The following EYA4 variants were observed in gnomAD, a reference collection of about 807,000 sequenced individuals.
EYA4 encodes protein phosphatase EYA4.
A neutral mutation model predicts 87.9 loss-of-function variants in EYA4; 31 were observed. The ratio of observed to expected loss-of-function variants is 0.35; its 90% confidence interval spans 0.27 to 0.48. The LOEUF is 0.48. Among genes scored for constraint, EYA4 ranks in the 20% least tolerant of loss-of-function variants. The probability of loss-of-function intolerance (pLI) is 0.99; values close to 1 mark genes in which losing one functional copy is unlikely to be tolerated. For missense variants in EYA4, 678 were observed against 761.4 expected (o/e 0.89, Z 1.29); for synonymous variants, 263 against 270.6 (o/e 0.97, Z 0.28).
intron 2 of EYA4, among the ~76,000 whole-genome samples, chr6:133,336,139 G>A (rs1302854652): frequency 6.6e-6 from 1 of 152,112 alleles, no homozygotes; most frequent in Admixed American, 6.6e-5. Context: ...TTCCCAATAG[G>A]ATAACTGATC....
intron 13 of EYA4, among the ~76,000 whole-genome samples, chr6:133,496,236 A>C (rs1797637600): frequency 6.6e-6 from 1 of 152,202 alleles, no homozygotes; most frequent in Non-Finnish European, 1.5e-5. Context: ...TCTAAGCTTG[A>C]AATTATTATG....
intron 3 of EYA4, among the ~76,000 whole-genome samples, chr6:133,436,509 T>A (rs1435878124): frequency 1.3e-5 from 2 of 152,204 alleles, no homozygotes; most frequent in Non-Finnish European, 2.9e-5. Flanking sequence ...GGGAAAAAAA[T>A]TCATGAACAA....
At chr6:133,465,230 T>C (rs1432859504) in intron 10 of EYA4, among the ~76,000 whole-genome samples, 1 of 152,166 alleles carries the variant, frequency 6.6e-6, no homozygotes, top group Non-Finnish European at 1.5e-5. Flanking sequence ...TCAATATTAA[T>C]TGATTAAAAT....
At chr6:133,473,888 C>A (rs1583385210) in intron 11 of EYA4, among the ~76,000 whole-genome samples, 2 of 151,954 alleles carry the variant, frequency 1.3e-5, no homozygotes, top group East Asian at 1.9e-4. Flanking sequence ...TACTCATTAG[C>A]CCCAGCCCAA....
At chr6:133,394,301 T>TTTTG (rs1787595062) in intron 3 of EYA4, among the ~76,000 whole-genome samples, 1 of 144,648 alleles carries the variant, frequency 6.9e-6, no homozygotes, top group African/African-American at 2.6e-5. Context: ...TTTTTTTTTT[T>TTTTG]TTTTTTTTTT....
chr6:133,490,691 C>T (rs1310363006), intron 13 of EYA4, among the ~76,000 whole-genome samples: 1 of 152,070 alleles, frequency 6.6e-6, no homozygotes, highest in East Asian at 1.9e-4. Context: ...AATACTGGAG[C>T]ACCCAGATAT....
intron 2 of EYA4, among the ~76,000 whole-genome samples, chr6:133,345,789 C>G (rs1398937333): frequency 6.6e-6 from 1 of 152,194 alleles, no homozygotes; most frequent in Admixed American, 6.5e-5. Flanking sequence ...TCATTAGATT[C>G]TCCCTTAATT....
intron 2 of EYA4, among the ~76,000 whole-genome samples, chr6:133,324,035 G>T (rs1037355027): frequency 2.0e-5 from 3 of 152,050 alleles, no homozygotes; most frequent in African/African-American, 7.2e-5. Flanking sequence ...AGAAGTTTGA[G>T]TATTATTGAT....
At chr6:133,503,443 T>A (rs1468792889) in intron 13 of EYA4, among the ~76,000 whole-genome samples, 1 of 152,202 alleles carries the variant, frequency 6.6e-6, no homozygotes, top group African/African-American at 2.4e-5. Context: ...TTAAATCAGA[T>A]ATTTCTGAAC....
chr6:133,409,396 A>G (rs987839271), intron 3 of EYA4, among the ~76,000 whole-genome samples: 2 of 151,746 alleles, frequency 1.3e-5, no homozygotes, highest in African/African-American at 4.9e-5. Flanking sequence ...ACATGGATGA[A>G]CCTGGAGGAC....
Position 133,506,137 on chromosome 6 carries a change from G to T in EYA4, c.1223G>T (p.Arg408Leu). ...DPPMAVTLGL[R>L]MEEMIFNLAD... ...CCCATGGCTGTAACCCTTGGACTCC[G>T]CATGGAAGAAATGATTTTTAATCTT... Residue 408 changes from arginine (R) to leucine (L), a missense_variant, in exon 14 of 20, where the codon CGC becomes CTC. Transcript: ENST00000355286. 6.2e-7 allele frequency: 1 copy of T among 1,611,560 alleles called. No homozygotes were observed. The highest frequency in any genetic ancestry group is 1.1e-5 in the South Asian group (1 of 91,030).
At chr6:133,285,388 G>A (rs745363863) in intron 2 of EYA4, among the ~76,000 whole-genome samples, 3 of 152,140 alleles carry the variant, frequency 2.0e-5, no homozygotes, top group African/African-American at 7.2e-5. Flanking sequence ...AACAGCAACC[G>A]TGAGGTGGTA....
intron 3 of EYA4, among the ~76,000 whole-genome samples, chr6:133,402,946 C>T (rs1342397354): frequency 6.6e-6 from 1 of 152,102 alleles, no homozygotes; most frequent in African/African-American, 2.4e-5. Flanking sequence ...GAGTCTCAGC[C>T]CCTCCAGCAC....
chr6:133,484,708 T>G (rs937548185), intron 13 of EYA4, among the ~76,000 whole-genome samples: 2 of 152,214 alleles, frequency 1.3e-5, no homozygotes, highest in Middle Eastern at 3.2e-3. Flanking sequence ...TTGAGCTGAT[T>G]GCAATATTTT....
At chr6:133,527,864 G>C (rs1800761459) in intron 19 of EYA4, among the ~76,000 whole-genome samples, 1 of 152,056 alleles carries the variant, frequency 6.6e-6, no homozygotes, top group Non-Finnish European at 1.5e-5. Flanking sequence ...AACAAATCAT[G>C]CTTTTGTTTT....
chr6:133,257,949 A>G (rs889335753), intron 1 of EYA4, among the ~76,000 whole-genome samples: 1 of 152,240 alleles, frequency 6.6e-6, no homozygotes, highest in Admixed American at 6.5e-5. Context: ...TTTGTATGAT[A>G]CAGTCTTGAT....
At chr6:133,417,038 G>A (rs557956127) in intron 3 of EYA4, among the ~76,000 whole-genome samples, 3 of 152,284 alleles carry the variant, frequency 2.0e-5, no homozygotes, top group South Asian at 2.1e-4. Flanking sequence ...TATTCTGATC[G>A]TTATTTGAAA....
rs371221627 is a variant in EYA4 at position 133,421,434 on chromosome 6, C to T, written c.84-25196C>T. 6.6e-5 allele frequency among the ~76,000 whole-genome samples: 10 copies of T among 152,168 alleles called. No individual in the cohort carries two copies. The South Asian group carries it at 1.5e-3, about 22-fold the overall frequency. ...AGATTTAATATACTGAGTTTGTGGG[C>T]GAGCCACGATGTTTTGAATCTATTC... On this transcript the variant is annotated intron_variant, in intron 3 of 19. Coordinates refer to ENST00000355286, the MANE Select transcript of EYA4 (RefSeq NM_004100.5).
intron 11 of EYA4, among the ~76,000 whole-genome samples, chr6:133,476,746 C>T (rs1437234915): frequency 1.3e-5 from 2 of 152,080 alleles, no homozygotes; most frequent in Non-Finnish European, 2.9e-5. Context: ...ATACTGATTT[C>T]ATTTCCTTTG....
Sources: gnomAD v4.1 joint callset for allele counts (sites outside exome capture counted in the v4.1 genomes callset) on GRCh38, gnomAD v4.1.1 for gene constraint, MANE v1.5 for transcripts, NCBI Gene and HGNC (gene_info 2026-07-23, HGNC 2026-07-21) for gene names.